Variants in TRPM3 observed in about 807,000 individuals in gnomAD.
TRPM3 encodes the protein transient receptor potential cation channel subfamily M member 3, also known as long transient receptor potential channel 3.
In TRPM3, 77 loss-of-function variants were observed where a neutral mutation model predicts 181.2. The observed-to-expected ratio is 0.42, with a 90% CI of 0.35 to 0.51. The LOEUF (loss-of-function observed/expected upper bound fraction) is 0.51. TRPM3 is among the 20% of genes least tolerant of loss of function. The pLI is 0.01. For synonymous variants in TRPM3, 745 were observed against 796.4 expected, an observed-to-expected ratio of 0.94 and a Z score of 1.09; for missense variants, 1,759 against 2,196.7, an observed-to-expected ratio of 0.80 and a Z score of 3.98.
intron 1 of TRPM3, among the ~76,000 whole-genome samples, chr9:71,076,495 C>A (rs546085282): frequency 3.3e-5 from 5 of 152,282 alleles, no homozygotes; most frequent in Non-Finnish European, 5.9e-5. Flanking sequence ...CAGGAATATA[C>A]CTCTGCCAGT....
At chr9:71,369,778 A>C (rs1050171504) in intron 1 of TRPM3, among the ~76,000 whole-genome samples, 1 of 152,228 alleles carries the variant, frequency 6.6e-6, no homozygotes, top group Non-Finnish European at 1.5e-5. Flanking sequence ...TTGCAAGCAC[A>C]GGCAATACAC....
intron 11 of TRPM3, among the ~76,000 whole-genome samples, chr9:70,636,718 C>T (rs1315462990): frequency 1.5e-5 from 2 of 136,476 alleles, no homozygotes; most frequent in Admixed American, 8.1e-5. Context: ...TAGTTAGTCT[C>T]GCTCTGTCAC....
intron 1 of TRPM3, among the ~76,000 whole-genome samples, chr9:71,087,773 G>T (rs2065521061): frequency 6.6e-6 from 1 of 151,854 alleles, no homozygotes; most frequent in Admixed American, 6.6e-5. Context: ...AACTCTACTG[G>T]GTAGAAAGAC....
intron 1 of TRPM3, among the ~76,000 whole-genome samples, chr9:70,880,109 T>C (rs1486509643): frequency 1.3e-5 from 2 of 152,146 alleles, no homozygotes; most frequent in Non-Finnish European, 2.9e-5. Flanking sequence ...CACACTATCA[T>C]TCTTGAATGT....
intron 1 of TRPM3, among the ~76,000 whole-genome samples, chr9:71,208,692 A>G (rs2079281245): frequency 6.6e-6 from 1 of 152,224 alleles, no homozygotes; most frequent in Non-Finnish European, 1.5e-5. Context: ...TAAATTCATC[A>G]AAAGTAGTGC....
intron 5 of TRPM3, among the ~76,000 whole-genome samples, chr9:70,833,870 G>T (rs573576746): frequency 6.9e-4 from 105 of 152,258 alleles, no homozygotes; most frequent in Non-Finnish European, 1.2e-3. Flanking sequence ...CAAAAGGAGT[G>T]GGGGGATTCT....
chr9:71,226,495 T>C (rs927147483), intron 1 of TRPM3, among the ~76,000 whole-genome samples: 2 of 151,930 alleles, frequency 1.3e-5, no homozygotes, highest in African/African-American at 2.4e-5. Flanking sequence ...AGATATCCTA[T>C]GCAAATGGAA....
intron 1 of TRPM3, among the ~76,000 whole-genome samples, chr9:70,932,800 C>CT (rs1400292733): frequency 2.0e-5 from 3 of 152,076 alleles, no homozygotes; most frequent in East Asian, 1.9e-4. Context: ...CTCTGAAGGG[C>CT]TTTTTTTGTG....
chr9:70,635,113 C>T (rs1358750437), intron 12 of TRPM3, 98 bp downstream of exon 12: 3 of 999,976 alleles, frequency 3.0e-6, no homozygotes, highest in Admixed American at 3.8e-5. Context: ...CTGATAGGGA[C>T]AGGAATACTC....
At chr9:70,545,791 G>C (rs112237058) in intron 25 of TRPM3, among the ~76,000 whole-genome samples, 3 of 152,156 alleles carry the variant, frequency 2.0e-5, no homozygotes, top group African/African-American at 7.2e-5. Flanking sequence ...CAGGTAATCT[G>C]CCTACCTCAG....
At chr9:70,761,542 G>A (rs748807356) in intron 8 of TRPM3, 59 bp downstream of exon 8, 1 of 1,611,676 alleles carries the variant, frequency 6.2e-7, no homozygotes, top group Non-Finnish European at 8.5e-7. Flanking sequence ...AATGTTGTGT[G>A]ATTCAAGAAA....
intron 6 of TRPM3, among the ~76,000 whole-genome samples, chr9:70,816,855 A>C (rs1349141279): frequency 6.6e-6 from 1 of 152,220 alleles, no homozygotes; most frequent in East Asian, 1.9e-4. Flanking sequence ...ATGGTCTAAA[A>C]TAATCCATAT....
Position 70,625,071 on chromosome 9 carries a change from A to G in TRPM3, c.1809+120T>C. 11 of 929,286 alleles carry G rather than the reference A, an allele frequency of 1.2e-5. No individual in the cohort carries two copies. The highest frequency in any genetic ancestry group is 1.7e-5 in the African/African-American group (1 of 59,816). The allele number at this position is 929,286 out of a possible 1,614,324, so 57.6% of individuals were successfully genotyped here. On this transcript the variant is annotated intron_variant, in intron 14 of 25. Coordinates refer to ENST00000677713, the MANE Select transcript of TRPM3 (RefSeq NM_001366145.2). This position sits in a 1 kb window ranked among gnomAD's most constrained non-coding sequence, Gnocchi z 4.8. ...TTTCATTACTTTTCTTTGATTGTTT[A>G]GGTTCACTCTCAGCGCAATTTTCTG...
chr9:70,893,533 C>A (rs575928841), intron 1 of TRPM3, among the ~76,000 whole-genome samples: 5 of 152,068 alleles, frequency 3.3e-5, no homozygotes, highest in Non-Finnish European at 7.4e-5. Flanking sequence ...ATGGTGACTA[C>A]GAATGGTTTA....
intron 1 of TRPM3, among the ~76,000 whole-genome samples, chr9:71,020,699 G>A (rs1401715328): frequency 1.3e-5 from 2 of 152,022 alleles, no homozygotes; most frequent in Non-Finnish European, 2.9e-5. Context: ...CTCTCAAACT[G>A]GCTAAAATTA....
At chr9:71,296,184 A>G (rs1422310194) in intron 1 of TRPM3, among the ~76,000 whole-genome samples, 1 of 152,188 alleles carries the variant, frequency 6.6e-6, no homozygotes, top group Admixed American at 6.6e-5. Flanking sequence ...GACAAGTACT[A>G]TTTGGCTCTT....
At chr9:71,421,544 C>T (rs1380155299) in intron 1 of TRPM3, among the ~76,000 whole-genome samples, 1 of 151,912 alleles carries the variant, frequency 6.6e-6, no homozygotes, top group Admixed American at 6.6e-5. Flanking sequence ...ATCCACACAA[C>T]AAACCATACC....
chr9:71,341,989 A>G (rs1207727732), intron 1 of TRPM3, among the ~76,000 whole-genome samples: 1 of 151,826 alleles, frequency 6.6e-6, no homozygotes, highest in Non-Finnish European at 1.5e-5. Context: ...TGAGCAAAAG[A>G]CAGGAACAAT....
At chr9:70,904,607 T>C (rs1367163953) in intron 1 of TRPM3, among the ~76,000 whole-genome samples, 1 of 152,172 alleles carries the variant, frequency 6.6e-6, no homozygotes, top group Non-Finnish European at 1.5e-5. Flanking sequence ...ACAGCCCATC[T>C]TTCAGCACTA....
Sources: allele counts gnomAD v4.1 joint callset (sites outside exome capture counted in the v4.1 genomes callset), GRCh38; gene constraint gnomAD v4.1.1; non-coding constraint Gnocchi (gnomAD v3.1); transcripts MANE v1.5; gene names NCBI Gene and HGNC (gene_info 2026-07-23, HGNC 2026-07-21).